CIMAP1A: variants seen among roughly 807,000 people sequenced by gnomAD.
The protein encoded by CIMAP1A is cancer/testis antigen 135.
At chr11:199,558 G>A in the CIMAP1A span, 2 of 1,479,282 alleles carry the variant, frequency 1.4e-6, no homozygotes, top group African/African-American at 2.8e-5. Context: ...CAGGGTCCTG[G>A]CCCAGAGGGA....
At chr11:199,657 A>AGGGGGG in the CIMAP1A span, 2 of 200,202 alleles carry the variant, frequency 1.0e-5, no homozygotes, top group South Asian at 7.8e-5. Context: ...GAAGGGGTGG[A>AGGGGGG]GGGGTGGGGT....
chr11:198,517 G>C, the CIMAP1A span: 5 of 1,613,140 alleles, frequency 3.1e-6, no homozygotes, highest in Non-Finnish European at 3.4e-6. Flanking sequence ...CGTCGGCAAG[G>C]CCTCCCAGCC....
At chr11:199,127 C>T in the CIMAP1A span, 103 of 1,386,842 alleles carry the variant, frequency 7.4e-5, 1 homozygote, top group Non-Finnish European at 9.1e-5. Context: ...CCAGGACTGG[C>T]ACACACTGGG....
chr11:199,439 T>C, the CIMAP1A span: 7 of 1,567,740 alleles, frequency 4.5e-6, no homozygotes, highest in East Asian at 4.7e-5. Context: ...CAGTACACCA[T>C]GGCTGCCCGT....
the CIMAP1A span, chr11:199,050 G>T: frequency 3.2e-6 from 4 of 1,232,818 alleles, no homozygotes; most frequent in Admixed American, 3.8e-5. Context: ...TGTTGATTTT[G>T]CCAGCCCCAG....
the CIMAP1A span, chr11:199,673 T>C: frequency 0.93 from 1,266,162 of 1,368,556 alleles, 589,681 homozygotes; most frequent in Non-Finnish European, 0.95. Flanking sequence ...GGGGTGGGGA[T>C]GGGAGGCACC....
the CIMAP1A span, chr11:198,173 A>C: frequency 3.3e-5 from 53 of 1,608,468 alleles, no homozygotes; most frequent in Non-Finnish European, 4.2e-5. Context: ...TGCTTGTCCC[A>C]GCAGCCCCCT....
chr11:199,312 T>A, the CIMAP1A span: 2 of 1,547,570 alleles, frequency 1.3e-6, no homozygotes, highest in Non-Finnish European at 1.7e-6. Context: ...CTCCCTGTCC[T>A]CTAGGGCCAC....
chr11:197,432 G>A, the CIMAP1A span: 2 of 1,597,574 alleles, frequency 1.3e-6, no homozygotes, highest in Non-Finnish European at 1.7e-6. Flanking sequence ...CTGAGAGACT[G>A]TGGGAGAGGG....
At chr11:198,265 CCCGGACAAAGGCATT>C in the CIMAP1A span, 3 of 1,613,972 alleles carry the variant, frequency 1.9e-6, no homozygotes, top group South Asian at 2.2e-5. Context: ...TCCATCTCTG[CCCGGACAAAGGCATT>C]CCGAGTGGAC....
chr11:199,613 G>T, the CIMAP1A span: 1 of 1,158,376 alleles, frequency 8.6e-7, no homozygotes, highest in African/African-American at 1.9e-5. Context: ...CAGACGAGGG[G>T]AAACAGGGTC....
chr11:196,796 G>A, the CIMAP1A span: 1 of 152,094 alleles, frequency 6.6e-6, no homozygotes, highest in Non-Finnish European at 1.5e-5. Flanking sequence ...GAGGAGAGAG[G>A]AAGGCCTTTC....
At chr11:197,611 C>A in the CIMAP1A span, 15 of 1,613,360 alleles carry the variant, frequency 9.3e-6, no homozygotes, top group Non-Finnish European at 1.3e-5. Flanking sequence ...CTACAGCTTC[C>A]GTGGGGCCCC....
the CIMAP1A span, chr11:197,756 G>T: frequency 6.2e-7 from 1 of 1,613,380 alleles, no homozygotes; most frequent in Non-Finnish European, 8.5e-7. Flanking sequence ...CTGACTCCTG[G>T]TCCAGGTTAG....
the CIMAP1A span, chr11:198,545 G>A: frequency 3.1e-6 from 5 of 1,612,620 alleles, no homozygotes; most frequent in East Asian, 2.2e-5. Flanking sequence ...TCCATCAAGG[G>A]CCGCAGCAAG....
At chr11:197,878 TC>T in the CIMAP1A span, 2 of 1,488,518 alleles carry the variant, frequency 1.3e-6, no homozygotes, top group Non-Finnish European at 1.8e-6. Context: ...TCCTGGCCCC[TC>T]CCGTCCCATC....
the CIMAP1A span, chr11:197,239 C>A: frequency 1.7e-6 from 2 of 1,167,532 alleles, no homozygotes; most frequent in South Asian, 1.5e-5. Context: ...ACATCAGGGG[C>A]CGGCATGGGA....
the CIMAP1A span, chr11:198,733 G>C: frequency 6.8e-7 from 1 of 1,465,502 alleles, no homozygotes; most frequent in Non-Finnish European, 9.0e-7. Flanking sequence ...CCACGTGCTG[G>C]GGTTACACTG....
At chr11:197,387 C>T in the CIMAP1A span, 1 of 1,600,892 alleles carries the variant, frequency 6.2e-7, no homozygotes, top group South Asian at 1.1e-5. Flanking sequence ...AGCCCTGGAC[C>T]CAAGTACCTG....
Sources: allele counts gnomAD v4.1 joint callset, GRCh38; gene constraint gnomAD v4.1.1; transcripts MANE v1.5; gene names NCBI Gene and HGNC (gene_info 2026-07-23, HGNC 2026-07-21).